Variants in CDK14 observed in about 807,000 individuals in gnomAD.
The protein encoded by CDK14 is cyclin dependent kinase 14, also known as cyclin-dependent kinase 14.
Under a neutral mutation model 60.7 loss-of-function variants are expected in CDK14, and 34 were observed. The observed-to-expected ratio is 0.56, with a 90% CI of 0.43 to 0.75. The LOEUF is 0.75. CDK14 is among the 30% of genes least tolerant of loss of function. The pLI, the probability that CDK14 is intolerant of heterozygous loss-of-function variation, is 0.00. For missense variants in CDK14, 482 were observed against 564.1 expected (o/e 0.85, Z 1.47); for synonymous variants, 197 against 203.7 (o/e 0.97, Z 0.28).
At chr7:91,203,198 T>C (rs1219382685) in intron 14 of CDK14, among the ~76,000 whole-genome samples, 1 of 152,242 alleles carries the variant, frequency 6.6e-6, no homozygotes, top group African/African-American at 2.4e-5. Context: ...GTGGTGTATC[T>C]GTGAATGGCC....
chr7:90,633,685 A>T (rs1362672440), intron 2 of CDK14, among the ~76,000 whole-genome samples: 1 of 152,206 alleles, frequency 6.6e-6, no homozygotes, highest in Non-Finnish European at 1.5e-5. Flanking sequence ...TGTCATAATG[A>T]CAGTAATCAT....
At chr7:90,943,827 G>T (rs553057782) in intron 8 of CDK14, among the ~76,000 whole-genome samples, 1 of 152,238 alleles carries the variant, frequency 6.6e-6, no homozygotes, top group East Asian at 1.9e-4. Flanking sequence ...GATGAGTTGG[G>T]GTGGGTCCTG....
Position 90,872,874 on chromosome 7 carries a change from A to T in CDK14, c.639+9605A>T, listed in dbSNP as rs116797891. On this transcript the variant is annotated intron_variant, in intron 6 of 14. Coordinates refer to ENST00000380050, the MANE Select transcript of CDK14 (RefSeq NM_001287135.2). ...CACCATAGATCAAACTATTTTAATG[A>T]GAATACAGTATGCATCTGATTTTTA... Among the ~76,000 whole-genome samples, 1,162 of 152,308 alleles carry T rather than the reference A, an allele frequency of 7.6e-3. 19 individuals are homozygous for T. The highest frequency in any genetic ancestry group is 0.027 in the African/African-American group (1,121 of 41,572).
intron 1 of CDK14, among the ~76,000 whole-genome samples, chr7:90,599,551 G>T (rs1799269619): frequency 6.6e-6 from 1 of 152,196 alleles, no homozygotes; most frequent in South Asian, 2.1e-4. Flanking sequence ...AAAATCTAGT[G>T]CAGTATCTAT....
chr7:91,158,480 G>A (rs1226425699), intron 14 of CDK14, among the ~76,000 whole-genome samples: 3 of 152,072 alleles, frequency 2.0e-5, no homozygotes, highest in Non-Finnish European at 2.9e-5. Flanking sequence ...ACCTCCCAAA[G>A]TGCTGAGATT....
At chr7:90,748,186 T>G (rs1803673922) in intron 4 of CDK14, among the ~76,000 whole-genome samples, 1 of 152,236 alleles carries the variant, frequency 6.6e-6, no homozygotes, top group Non-Finnish European at 1.5e-5. Flanking sequence ...TTTTACTCCA[T>G]CTTTCAGAAG....
intron 8 of CDK14, among the ~76,000 whole-genome samples, chr7:90,953,661 A>AT (rs573290857): frequency 2.6e-5 from 4 of 151,848 alleles, no homozygotes; most frequent in Non-Finnish European, 5.9e-5. Flanking sequence ...AAAATCTTCA[A>AT]TTTTTTTTCA....
intron 3 of CDK14, among the ~76,000 whole-genome samples, chr7:90,739,808 C>T (rs944852548): frequency 6.6e-6 from 1 of 152,002 alleles, no homozygotes; most frequent in Non-Finnish European, 1.5e-5. Context: ...AATATTTTCC[C>T]CATTGAAGAT....
At chr7:90,674,450 C>T (rs1487167354) in intron 2 of CDK14, among the ~76,000 whole-genome samples, 1 of 152,094 alleles carries the variant, frequency 6.6e-6, no homozygotes, top group Non-Finnish European at 1.5e-5. Flanking sequence ...AACACAAATT[C>T]CCCTAGAAGA....
At chr7:90,771,204 T>C (rs913658056) in intron 4 of CDK14, among the ~76,000 whole-genome samples, 1 of 152,240 alleles carries the variant, frequency 6.6e-6, no homozygotes, top group Non-Finnish European at 1.5e-5. Flanking sequence ...ATCACAATAG[T>C]CTTTTTTACT....
At chr7:90,812,605 C>G (rs1364742912) in intron 5 of CDK14, among the ~76,000 whole-genome samples, 1 of 152,028 alleles carries the variant, frequency 6.6e-6, no homozygotes, top group African/African-American at 2.4e-5. Flanking sequence ...TACCCCAAAA[C>G]TTAAAGTATA....
chr7:91,149,335 T>G (rs1800760968), intron 14 of CDK14, among the ~76,000 whole-genome samples: 1 of 151,588 alleles, frequency 6.6e-6, no homozygotes, highest in Non-Finnish European at 1.5e-5. Flanking sequence ...TTCTTCATGC[T>G]CTTTCCTTTT....
At chr7:91,111,402 C>G (rs945682577) in intron 12 of CDK14, among the ~76,000 whole-genome samples, 113 of 152,326 alleles carry the variant, frequency 7.4e-4, no homozygotes, top group Admixed American at 4.2e-3. Flanking sequence ...CTGGAAGGTG[C>G]AGCTCTCCCT....
chr7:91,023,000 C>A, intron 10 of CDK14, among the ~76,000 whole-genome samples: 1 of 124,788 alleles, frequency 8.0e-6, no homozygotes, highest in Non-Finnish European at 1.7e-5. Context: ...ATATTTCAAG[C>A]CTTTGAAGTA....
At chr7:90,889,025 A>C (rs1792036395) in intron 6 of CDK14, among the ~76,000 whole-genome samples, 1 of 152,250 alleles carries the variant, frequency 6.6e-6, no homozygotes, top group Non-Finnish European at 1.5e-5. Context: ...ATGGTTCTAC[A>C]GAATGGTTTA....
intron 2 of CDK14, among the ~76,000 whole-genome samples, chr7:90,700,484 C>T (rs1025210221): frequency 6.6e-6 from 1 of 152,158 alleles, no homozygotes; most frequent in African/African-American, 2.4e-5. Context: ...AGATAATCTT[C>T]TACCAGAGGG....
At chr7:90,663,101 CACACACACACACA>C (rs1489810334) in intron 2 of CDK14, among the ~76,000 whole-genome samples, 7 of 146,070 alleles carry the variant, frequency 4.8e-5, no homozygotes, top group South Asian at 4.3e-4. Context: ...TGGGAACACA[CACACACACACACA>C]CACACACACA....
At chr7:90,711,969 C>T (rs182137780) in intron 2 of CDK14, among the ~76,000 whole-genome samples, 61 of 151,024 alleles carry the variant, frequency 4.0e-4, no homozygotes, top group African/African-American at 1.3e-3. Flanking sequence ...TGTGACCCTC[C>T]TGCTTTGGCC....
At chr7:90,701,120 G>A (rs1801776744) in intron 2 of CDK14, among the ~76,000 whole-genome samples, 2 of 151,970 alleles carry the variant, frequency 1.3e-5, no homozygotes, top group Admixed American at 6.6e-5. Context: ...TTTCCTTCGT[G>A]GCCAGAAGCC....
Sources: gnomAD v4.1 joint callset for allele counts (sites outside exome capture counted in the v4.1 genomes callset) on GRCh38, gnomAD v4.1.1 for gene constraint, MANE v1.5 for transcripts, NCBI Gene and HGNC (gene_info 2026-07-23, HGNC 2026-07-21) for gene names.